Variants in TMC1 observed in about 807,000 individuals in gnomAD.
TMC1 encodes the protein transmembrane channel-like protein 1.
Under a neutral mutation model 105.8 loss-of-function variants are expected in TMC1, and 84 were observed. The ratio of observed to expected loss-of-function variants is 0.79; its 90% confidence interval spans 0.67 to 0.95. TMC1 has a LOEUF of 0.95. Ranked by LOEUF, TMC1 falls within the 40% of genes least tolerant of loss-of-function variation. The pLI is 0.00. For missense variants in TMC1, 817 were observed against 914.1 expected (o/e 0.89, Z 1.37); for synonymous variants, 315 against 311.5 (o/e 1.01, Z -0.12).
chr9:72,681,240 T>C (rs954624927), intron 5 of TMC1, among the ~76,000 whole-genome samples: 3 of 152,174 alleles, frequency 2.0e-5, no homozygotes, highest in African/African-American at 7.2e-5. Context: ...ACTCTGAATA[T>C]ATATTATGAC....
intron 12 of TMC1, among the ~76,000 whole-genome samples, chr9:72,765,649 A>G (rs541794841): frequency 6.6e-6 from 1 of 152,174 alleles, no homozygotes; most frequent in African/African-American, 2.4e-5. Context: ...TAAAAAAAAA[A>G]AAAAAAATTC....
At chr9:72,814,242 A>C (rs969955572) in intron 18 of TMC1, among the ~76,000 whole-genome samples, 1 of 152,198 alleles carries the variant, frequency 6.6e-6, no homozygotes, top group Admixed American at 6.5e-5. Flanking sequence ...GGGCCAACCG[A>C]GTAAGCATTT....
At chr9:72,693,477 G>T (rs1385509878) in intron 6 of TMC1, among the ~76,000 whole-genome samples, 1 of 152,118 alleles carries the variant, frequency 6.6e-6, no homozygotes, top group Non-Finnish European at 1.5e-5. Context: ...CAGATAAAAA[G>T]TGTTTTGTAT....
intron 2 of TMC1, among the ~76,000 whole-genome samples, chr9:72,610,572 T>A (rs1413647499): frequency 6.6e-6 from 1 of 152,232 alleles, no homozygotes; most frequent in Non-Finnish European, 1.5e-5. Context: ...TTACTCAGCC[T>A]TTTGTTCTAT....
intron 5 of TMC1, among the ~76,000 whole-genome samples, chr9:72,662,763 T>A (rs1825987680): frequency 6.6e-6 from 1 of 152,202 alleles, no homozygotes; most frequent in South Asian, 2.1e-4. Context: ...CATAAAACAC[T>A]TGTAATCAGC....
At chr9:72,533,980 A>G (rs1823538312) in intron 1 of TMC1, among the ~76,000 whole-genome samples, 1 of 152,038 alleles carries the variant, frequency 6.6e-6, no homozygotes, top group South Asian at 2.1e-4. Flanking sequence ...TGCAAATACA[A>G]AAATTAGCCG....
chr9:72,543,152 C>G (rs557933406), intron 1 of TMC1, among the ~76,000 whole-genome samples: 1 of 152,164 alleles, frequency 6.6e-6, no homozygotes, highest in Non-Finnish European at 1.5e-5. Context: ...TTTTCTCATT[C>G]AACTAGTTTC....
Position 72,791,912 on chromosome 9 carries a change from G to A in TMC1, c.1251G>A (p.Gly417=), listed in dbSNP as rs771536758. 7 of 1,613,068 alleles carry A rather than the reference G, an allele frequency of 4.3e-6. No homozygotes were observed. Among genetic ancestry groups the A allele is most frequent in the Non-Finnish European group, 1.7e-6 (2 of 1,179,936 alleles). The part of the protein sequence containing the change: ...NEMNMVMSLL[G]MFCPTLFDLF... ...TGAACATGGTTATGTCCCTCCTAGGGATGTTCTGTCCAACATTGTTTGACT... is the reference window on the plus strand; with the variant it reads ...TGAACATGGTTATGTCCCTCCTAGGAATGTTCTGTCCAACATTGTTTGACT... The change falls in exon 16 of 24, where the codon GGG becomes GGA. Residue 417 remains glycine (G), a synonymous_variant. Transcript: ENST00000297784.
Position 72,672,863 on chromosome 9 carries a change from CGT to C in TMC1, c.17-15843_17-15842del, listed in dbSNP as rs1337677784. Among the ~76,000 whole-genome samples the C allele has an allele frequency of 2.0e-3, 286 of 143,354 alleles. 5 individuals are homozygous for C. The highest frequency in any genetic ancestry group is 7.3e-3 in the African/African-American group (277 of 37,794). 94.0% of individuals were successfully genotyped at this position (143,354 alleles called of 152,430 possible). A position where few individuals can be genotyped will look rare whatever the true frequency, so the allele number is the denominator to read the frequency against. ...ACACACACACACACACACACACACA[CGT>C]GTATATATATATGCACACACACACA... On this transcript the variant is annotated intron_variant, in intron 5 of 23. Transcript: ENST00000297784.
chr9:72,706,776 T>A (rs1184297522), intron 8 of TMC1, among the ~76,000 whole-genome samples: 2 of 148,376 alleles, frequency 1.3e-5, no homozygotes, highest in Non-Finnish European at 3.0e-5. Flanking sequence ...TTTTCTTTCT[T>A]TCTTTTTTTT....
chr9:72,585,943 G>A (rs183207601), intron 2 of TMC1, among the ~76,000 whole-genome samples: 5 of 152,252 alleles, frequency 3.3e-5, no homozygotes, highest in Non-Finnish European at 2.9e-5. Flanking sequence ...TGGACTGTTT[G>A]ACTTTGGTAG....
intron 5 of TMC1, among the ~76,000 whole-genome samples, chr9:72,653,583 C>G (rs1825844591): frequency 6.6e-6 from 1 of 152,160 alleles, no homozygotes; most frequent in African/African-American, 2.4e-5. Flanking sequence ...CTTTATTTCT[C>G]TTTCTTTCAT....
chr9:72,548,357 G>A (rs1329322454), intron 1 of TMC1, among the ~76,000 whole-genome samples: 2 of 151,976 alleles, frequency 1.3e-5, no homozygotes, highest in Middle Eastern at 3.2e-3. Flanking sequence ...TGGATCACGA[G>A]GCCAGGAGTT....
chr9:72,638,431 G>A (rs1489059997), intron 4 of TMC1, among the ~76,000 whole-genome samples: 1 of 152,030 alleles, frequency 6.6e-6, no homozygotes, highest in African/African-American at 2.4e-5. Context: ...TCTGGAACTC[G>A]TGTACCTCTC....
chr9:72,675,119 A>G (rs1019794677), intron 5 of TMC1, among the ~76,000 whole-genome samples: 5 of 152,154 alleles, frequency 3.3e-5, no homozygotes, highest in African/African-American at 1.2e-4. Context: ...ACATACACAT[A>G]TAGTAAGATT....
chr9:72,688,394 C>T (rs183608745), intron 5 of TMC1, among the ~76,000 whole-genome samples: 7 of 152,160 alleles, frequency 4.6e-5, no homozygotes, highest in Non-Finnish European at 7.4e-5. Flanking sequence ...CCCAAGTCTA[C>T]TTATTGCAAT....
At chr9:72,569,413 A>G (rs1276630112) in intron 1 of TMC1, among the ~76,000 whole-genome samples, 1 of 152,176 alleles carries the variant, frequency 6.6e-6, no homozygotes, top group Non-Finnish European at 1.5e-5. Context: ...TGGTATACTG[A>G]AAGAGAATTG....
At chr9:72,726,308 A>G (rs2254323) in intron 8 of TMC1, among the ~76,000 whole-genome samples, 34,635 of 152,136 alleles carry the variant, frequency 0.23, 4,283 homozygotes, top group East Asian at 0.39. Flanking sequence ...TATAATGTAT[A>G]AATACACAAA....
intron 2 of TMC1, among the ~76,000 whole-genome samples, chr9:72,581,181 C>G (rs1824468384): frequency 6.6e-6 from 1 of 152,198 alleles, no homozygotes; most frequent in Non-Finnish European, 1.5e-5. Context: ...AGTTCAAGTA[C>G]TTAAAGCTTT....
Sources: allele counts gnomAD v4.1 joint callset (sites outside exome capture counted in the v4.1 genomes callset), GRCh38; gene constraint gnomAD v4.1.1; transcripts MANE v1.5; gene names NCBI Gene and HGNC (gene_info 2026-07-23, HGNC 2026-07-21).